Variants in FOCAD observed in about 807,000 individuals in gnomAD.
FOCAD encodes focadhesin.
FOCAD carries 198 observed loss-of-function variants against 225.6 expected under a neutral mutation model. That is an observed-to-expected ratio of 0.88 (90% CI 0.78 to 0.99). The LOEUF is 0.99. FOCAD is among the 50% of genes least tolerant of loss of function. FOCAD has a pLI of 0.00. For synonymous variants in FOCAD, 897 were observed against 755.0 expected (o/e 1.19, Z -3.08); for missense variants, 2,713 against 2,123.6 (o/e 1.28, Z -5.46).
At chr9:20,841,522 C>G (rs1446873542) in intron 15 of FOCAD, among the ~76,000 whole-genome samples, 1 of 151,682 alleles carries the variant, frequency 6.6e-6, no homozygotes, top group East Asian at 1.9e-4. Context: ...TTAGTTTCAT[C>G]TAAGTTTTTC....
intron 11 of FOCAD, among the ~76,000 whole-genome samples, chr9:20,818,001 G>A (rs1013297494): frequency 2.0e-5 from 3 of 152,146 alleles, no homozygotes; most frequent in East Asian, 1.9e-4. Context: ...ACATTACCAC[G>A]AGCAGTGTAC....
chr9:20,843,575 G>A (rs532196376), intron 15 of FOCAD, among the ~76,000 whole-genome samples: 1 of 152,104 alleles, frequency 6.6e-6, no homozygotes, highest in Non-Finnish European at 1.5e-5. Flanking sequence ...TAAATGTCTT[G>A]AGGTAGTCTT....
chr9:20,771,741 C>T (rs1818254391), intron 8 of FOCAD, among the ~76,000 whole-genome samples: 1 of 152,144 alleles, frequency 6.6e-6, no homozygotes, highest in Non-Finnish European at 1.5e-5. Context: ...GGCGACACAG[C>T]AGGACTTTGT....
intron 21 of FOCAD, among the ~76,000 whole-genome samples, chr9:20,899,540 A>T (rs1440873089): frequency 6.6e-6 from 1 of 151,848 alleles, no homozygotes; most frequent in African/African-American, 2.4e-5. Context: ...TGTTGGTTTT[A>T]TAGTTTGTTC....
chr9:20,961,534 A>G (rs1248552816), intron 35 of FOCAD, among the ~76,000 whole-genome samples: 1 of 152,140 alleles, frequency 6.6e-6, no homozygotes, highest in Non-Finnish European at 1.5e-5. Flanking sequence ...TGCTGGGGTA[A>G]TCTTTGTCTC....
Position 20,789,513 on chromosome 9 carries a change from C to A in FOCAD, c.1360C>A (p.Leu454Ile), listed in dbSNP as rs774993937. The A allele has an allele frequency of 2.5e-6, 4 of 1,614,028 alleles. No homozygotes were observed. The highest frequency in any genetic ancestry group is 3.3e-5 in the Admixed American group (2 of 59,970). ...TGCTGTGATCCCTGCGCCTGCCTTT[C>A]TTCTGCTGGCTCACCTCCTTGTTGA... The part of the protein sequence containing the change: ...ITAVIPAPAF[L>I]LLAHLLVEDK... The change falls in exon 11 of 44, where the codon CTT becomes ATT. Residue 454 changes from leucine (L) to isoleucine (I), a missense_variant. By Grantham distance (5) the Leu-to-Ile change is conservative (BLOSUM62 2). Coordinates refer to ENST00000338382, the MANE Select transcript of FOCAD (RefSeq NM_001375567.1).
At chr9:20,905,465 A>T (rs1323635377) in intron 21 of FOCAD, among the ~76,000 whole-genome samples, 1 of 151,994 alleles carries the variant, frequency 6.6e-6, no homozygotes, top group East Asian at 1.9e-4. Context: ...GGCTAAGGGT[A>T]TTCTCAGTAG....
intron 7 of FOCAD, among the ~76,000 whole-genome samples, chr9:20,767,743 A>G (rs1305782470): frequency 6.8e-6 from 1 of 146,060 alleles, no homozygotes; most frequent in African/African-American, 2.5e-5. Context: ...TCAGATGAGT[A>G]GGTTGCGAAA....
At chr9:20,866,156 C>G (rs1050250723) in intron 17 of FOCAD, among the ~76,000 whole-genome samples, 180 bp downstream of exon 17, 11 of 151,932 alleles carry the variant, frequency 7.2e-5, no homozygotes, top group Admixed American at 2.0e-4. Flanking sequence ...AATTTATGCC[C>G]ATTAATACAT....
chr9:20,820,825 A>T, intron 13 of FOCAD, 116 bp from the exon 14 acceptor site: 1 of 1,110,346 alleles, frequency 9.0e-7, no homozygotes, highest in East Asian at 2.4e-5. Flanking sequence ...GAAGAACGAC[A>T]GTATAATTTG....
intron 4 of FOCAD, among the ~76,000 whole-genome samples, chr9:20,737,360 A>G (rs1175521683): frequency 6.6e-6 from 1 of 152,224 alleles, no homozygotes; most frequent in Non-Finnish European, 1.5e-5. Context: ...CAAATAAATA[A>G]TTAAGGAAAA....
chr9:20,789,638 G>A (rs1349149727), intron 11 of FOCAD, 30 bp downstream of exon 11: 3 of 1,609,510 alleles, frequency 1.9e-6, no homozygotes, highest in Non-Finnish European at 2.5e-6. Flanking sequence ...GAACAATAAT[G>A]AGAGGAAAGC....
chr9:20,762,295 C>T (rs928385148), intron 6 of FOCAD, among the ~76,000 whole-genome samples: 5 of 151,930 alleles, frequency 3.3e-5, no homozygotes, highest in Non-Finnish European at 7.4e-5. Flanking sequence ...TTTTTAGTTT[C>T]CGAAAGTAGA....
chr9:20,778,615 C>T, intron 8 of FOCAD, 66 bp from the exon 9 acceptor site: 1 of 796,566 alleles, frequency 1.3e-6, no homozygotes, highest in East Asian at 2.5e-5. Flanking sequence ...TTCCTGGATA[C>T]ATGTTACAAA....
chr9:20,995,669 G>A lies in FOCAD; in HGVS notation c.*40G>A. 1.3e-6 allele frequency: 2 copies of A among 1,568,326 alleles called. No homozygotes were observed. Among genetic ancestry groups the A allele is most frequent in the Non-Finnish European group, 1.8e-6 (2 of 1,140,192 alleles). On this transcript the variant is annotated 3_prime_UTR_variant, in exon 44 of 44. Coordinates refer to ENST00000338382, the MANE Select transcript of FOCAD (RefSeq NM_001375567.1). ...ACCAGCAGCATTCTCAGCTGGATGA[G>A]GAAAACCATATAAGTGGAAGAAGTT...
intron 15 of FOCAD, among the ~76,000 whole-genome samples, chr9:20,832,999 A>G (rs7859295): frequency 0.39 from 58,753 of 151,870 alleles, 11,552 homozygotes; most frequent in East Asian, 0.47. Context: ...ACAAAGTTGC[A>G]TATACTACTT....
intron 8 of FOCAD, among the ~76,000 whole-genome samples, chr9:20,777,899 G>C (rs1176672646): frequency 1.3e-5 from 2 of 151,782 alleles, no homozygotes; most frequent in Non-Finnish European, 2.9e-5. Context: ...TCAGGAGATC[G>C]AGACCACGGT....
intron 6 of FOCAD, among the ~76,000 whole-genome samples, chr9:20,761,502 C>A (rs10964687): frequency 6.6e-6 from 1 of 151,974 alleles, no homozygotes; most frequent in Non-Finnish European, 1.5e-5. Context: ...CTCATTGCAA[C>A]CTCTGCCTCA....
chr9:20,754,501 T>C (rs1173848667), intron 5 of FOCAD, among the ~76,000 whole-genome samples: 1 of 152,130 alleles, frequency 6.6e-6, no homozygotes, highest in Non-Finnish European at 1.5e-5. Flanking sequence ...CTTGATCGAT[T>C]AACTACTTTT....
Sources: gnomAD v4.1 joint callset for allele counts (sites outside exome capture counted in the v4.1 genomes callset) on GRCh38, gnomAD v4.1.1 for gene constraint, MANE v1.5 for transcripts, NCBI Gene and HGNC (gene_info 2026-07-23, HGNC 2026-07-21) for gene names.